LPCAT1: variants seen among roughly 807,000 people sequenced by gnomAD.
LPCAT1 encodes 1-acylglycerol-3-phosphate O-acyltransferase.
A neutral mutation model predicts 60.9 loss-of-function variants in LPCAT1; 23 were observed. The observed-to-expected ratio is 0.38, with a 90% CI of 0.27 to 0.53. The LOEUF is 0.53. LPCAT1 is among the 20% of genes least tolerant of loss of function. LPCAT1 has a pLI of 0.82. For synonymous variants in LPCAT1, 340 were observed against 301.1 expected, an observed-to-expected ratio of 1.13 and a Z score of -1.34; for missense variants, 622 against 723.6, an observed-to-expected ratio of 0.86 and a Z score of 1.61.
At chr5:1,510,206 C>T (rs1034896241) in intron 1 of LPCAT1, among the ~76,000 whole-genome samples, 1 of 152,192 alleles carries the variant, frequency 6.6e-6, no homozygotes, top group Non-Finnish European at 1.5e-5. Context: ...CTGCGCCTCC[C>T]CGCAGGAACC....
At position 1,463,545 on chromosome 5, in the gene LPCAT1, G is replaced by A. The variant is rs754982947; in HGVS notation, c.*106C>T. ...CCCTGGAACTCGGGCTGAAGACAGT[G>A]CCTGTACAGCAGGAGTGAGGAGCGG... On this transcript the variant is annotated 3_prime_UTR_variant, in exon 14 of 14. Coordinates refer to ENST00000283415, the MANE Select transcript of LPCAT1 (RefSeq NM_024830.5). 4 of 1,243,394 alleles carry A rather than the reference G, an allele frequency of 3.2e-6. No individual in the cohort carries two copies. Among genetic ancestry groups the A allele is most frequent in the Non-Finnish European group, 4.5e-6 (4 of 890,074 alleles). 77.0% of individuals were successfully genotyped at this position (1,243,394 alleles called of 1,614,324 possible).
chr5:1,467,914 C>T (rs1010499178), intron 12 of LPCAT1, among the ~76,000 whole-genome samples: 2 of 152,106 alleles, frequency 1.3e-5, no homozygotes, highest in South Asian at 2.1e-4. Flanking sequence ...GGGGCTCCGA[C>T]GGGGCCGTCG....
intron 1 of LPCAT1, among the ~76,000 whole-genome samples, chr5:1,504,812 T>C (rs1736133434): frequency 6.6e-6 from 1 of 151,672 alleles, no homozygotes; most frequent in Non-Finnish European, 1.5e-5. Context: ...GCAGACGCCA[T>C]GAAGTGTGAT....
chr5:1,474,858 C>T (rs772464344), intron 9 of LPCAT1, among the ~76,000 whole-genome samples, 173 bp from the exon 10 acceptor site: 16 of 152,220 alleles, frequency 1.1e-4, no homozygotes, highest in Admixed American at 6.5e-4. Flanking sequence ...CTTCACCTCT[C>T]GTGGGTGCTC....
intron 12 of LPCAT1, chr5:1,467,182 T>G: frequency 2.9e-6 from 1 of 344,160 alleles, no homozygotes; most frequent in Non-Finnish European, 5.2e-6. Flanking sequence ...AACCAGCACC[T>G]GTGGCTGCCA....
At chr5:1,489,644 T>C (rs1309425882) in intron 4 of LPCAT1, 102 bp downstream of exon 4, 1 of 896,084 alleles carries the variant, frequency 1.1e-6, no homozygotes, top group Non-Finnish European at 1.9e-6. Flanking sequence ...AGAATCAGAA[T>C]CCAGCCCCGG....
intron 3 of LPCAT1, among the ~76,000 whole-genome samples, chr5:1,492,942 C>T (rs1318688297): frequency 6.6e-6 from 1 of 152,234 alleles, no homozygotes; most frequent in East Asian, 1.9e-4. Context: ...GACGAACGAC[C>T]ATGGGCCTTT....
rs534254101 is a variant in LPCAT1, at chr5:1,512,285, C to T, written c.136-10682G>A. ...ATGTCCAATCAGGAAGATATGGAGC[C>T]GCTGGGCCGGCCACACCCGCCTTCG... On this transcript the variant is annotated intron_variant, in intron 1 of 13. Coordinates refer to ENST00000283415, the MANE Select transcript of LPCAT1 (RefSeq NM_024830.5). 4.6e-5 allele frequency among the ~76,000 whole-genome samples: 7 copies of T among 152,340 alleles called. No homozygotes were observed. The South Asian group carries it at 6.2e-4, about 14-fold the overall frequency.
chr5:1,506,878 G>A (rs1029347945), intron 1 of LPCAT1, among the ~76,000 whole-genome samples: 1 of 152,186 alleles, frequency 6.6e-6, no homozygotes, highest in African/African-American at 2.4e-5. Flanking sequence ...CTGTCAGAGA[G>A]GGCAGGTGTC....
chr5:1,508,736 A>G (rs1222157773), intron 1 of LPCAT1, among the ~76,000 whole-genome samples: 3 of 152,238 alleles, frequency 2.0e-5, no homozygotes, highest in Non-Finnish European at 4.4e-5. Flanking sequence ...CTTAAATGTA[A>G]ACAAGGCCAT....
chr5:1,520,916 C>T (rs1464224737), intron 1 of LPCAT1, among the ~76,000 whole-genome samples: 4 of 139,052 alleles, frequency 2.9e-5, no homozygotes, highest in Non-Finnish European at 6.3e-5. Context: ...ATGGGGAAAA[C>T]GCATCAGAAC....
intron 1 of LPCAT1, among the ~76,000 whole-genome samples, chr5:1,503,601 C>T (rs969805675): frequency 2.0e-5 from 3 of 152,228 alleles, no homozygotes; most frequent in East Asian, 3.8e-4. Flanking sequence ...AAGTAAGACG[C>T]GCCTGTCCGC....
chr5:1,465,039 A>C (rs200324066), intron 13 of LPCAT1, among the ~76,000 whole-genome samples: 10 of 119,470 alleles, frequency 8.4e-5, no homozygotes, highest in Admixed American at 5.8e-4. Flanking sequence ...GGCACACTAA[A>C]CACACATGCG....
intron 3 of LPCAT1, among the ~76,000 whole-genome samples, chr5:1,492,143 G>C (rs1055425178): frequency 6.6e-6 from 1 of 151,908 alleles, no homozygotes; most frequent in African/African-American, 2.4e-5. Context: ...TCTCTGAGCT[G>C]GGACCACGGG....
At chr5:1,511,813 C>T (rs1736364467) in intron 1 of LPCAT1, among the ~76,000 whole-genome samples, 1 of 152,224 alleles carries the variant, frequency 6.6e-6, no homozygotes, top group Non-Finnish European at 1.5e-5. Flanking sequence ...CAGCCTCATG[C>T]ATCTGCACAG....
rs10708465 is a variant in LPCAT1, at chr5:1,495,330, T to TGG, written c.279-418_279-417dup. ...AACACCTAAAACGCATATCGCAATA[T>TGG]GGGGGGGGGGGCGCTCAGAGCTGAG... On this transcript the variant is annotated intron_variant, in intron 2 of 13. Transcript: ENST00000283415. This position sits in a 1 kb window ranked among gnomAD's most constrained non-coding sequence, Gnocchi z 4.7. Among the ~76,000 whole-genome samples the TGG allele has an allele frequency of 7.8e-4, 109 of 140,610 alleles. 2 individuals carry two copies. The highest frequency in any genetic ancestry group is 2.4e-3 in the African/African-American group (91 of 38,718). The allele number at this position is 140,610 out of a possible 152,430, so 92.2% of individuals were successfully genotyped here.
intron 1 of LPCAT1, among the ~76,000 whole-genome samples, chr5:1,518,522 A>G (rs1736577039): frequency 6.6e-6 from 1 of 152,178 alleles, no homozygotes; most frequent in Admixed American, 6.5e-5. Context: ...TTGTATTTTT[A>G]GTAGAGACGG....
intron 1 of LPCAT1, among the ~76,000 whole-genome samples, chr5:1,505,410 C>CA (rs1467002855): frequency 2.6e-5 from 4 of 152,250 alleles, no homozygotes; most frequent in Non-Finnish European, 5.9e-5. Flanking sequence ...TCACAGTAAC[C>CA]CATGGTGTTC....
intron 11 of LPCAT1, among the ~76,000 whole-genome samples, chr5:1,471,125 G>A (rs1172424762): frequency 6.6e-6 from 1 of 152,140 alleles, no homozygotes; most frequent in Non-Finnish European, 1.5e-5. Context: ...CACTTCTTGG[G>A]GCCATTACAG....
Sources: gnomAD v4.1 joint callset for allele counts (sites outside exome capture counted in the v4.1 genomes callset) on GRCh38, gnomAD v4.1.1 for gene constraint, Gnocchi (gnomAD v3.1) non-coding constraint, MANE v1.5 for transcripts, NCBI Gene and HGNC (gene_info 2026-07-23, HGNC 2026-07-21) for gene names.